The following PIK3C3 variants were observed in gnomAD, a reference collection of about 807,000 sequenced individuals.
The protein encoded by PIK3C3 is PI3-kinase type 3.
PIK3C3 carries 95 observed loss-of-function variants against 126.1 expected under a neutral mutation model. The ratio of observed to expected loss-of-function variants is 0.75; its 90% CI spans 0.64 to 0.89. PIK3C3 has a LOEUF of 0.89. PIK3C3 is among the 40% of genes least tolerant of loss of function. The pLI is 0.00. For synonymous variants in PIK3C3, 374 were observed against 360.0 expected, an observed-to-expected ratio of 1.04 and a Z score of -0.44; for missense variants, 829 against 1,063.2, an observed-to-expected ratio of 0.78 and a Z score of 3.06.
chr18:42,007,053 A>G (rs1982584087), intron 10 of PIK3C3, among the ~76,000 whole-genome samples: 2 of 151,902 alleles, frequency 1.3e-5, no homozygotes, highest in Non-Finnish European at 2.9e-5. Flanking sequence ...CTTTTTTAGT[A>G]GAGACGGGGT....
rs551868773 is a variant in PIK3C3 at position 42,005,217 on chromosome 18, G to A, written c.1170+676G>A. 2.0e-3 allele frequency among the ~76,000 whole-genome samples: 308 copies of A among 152,242 alleles called. 1 individual carries two copies. Among genetic ancestry groups the A allele is most frequent in the Non-Finnish European group, 3.4e-3 (230 of 67,990 alleles). On this transcript the variant is annotated intron_variant, in intron 10 of 24. Coordinates refer to ENST00000262039, the MANE Select transcript of PIK3C3 (RefSeq NM_002647.4). ...TACTTACCCAAACCTAGATGGTAAA[G>A]CCTACTACACACTGAGGCTGTGTAC... is the stretch of plus-strand genomic sequence containing the variant.
At chr18:42,011,574 A>T (rs999818304) in intron 10 of PIK3C3, among the ~76,000 whole-genome samples, 1 of 152,138 alleles carries the variant, frequency 6.6e-6, no homozygotes, top group Non-Finnish European at 1.5e-5. Context: ...TACCCAGACC[A>T]CCAAAACTTC....
intron 16 of PIK3C3, among the ~76,000 whole-genome samples, chr18:42,035,945 T>C (rs1984031107): frequency 6.6e-6 from 1 of 152,176 alleles, no homozygotes; most frequent in African/African-American, 2.4e-5. Context: ...GTGCATGTTA[T>C]CCTGTGGTTG....
At chr18:42,052,699 A>T (rs536747456) in intron 21 of PIK3C3, 1 of 152,284 alleles carries the variant, frequency 6.6e-6, no homozygotes, top group East Asian at 1.9e-4. Context: ...CATATATGTT[A>T]TAAATAGACT....
chr18:42,043,896 A>G (rs1984440971), intron 20 of PIK3C3, 79 bp downstream of exon 20: 1 of 868,122 alleles, frequency 1.2e-6, no homozygotes, highest in Non-Finnish European at 1.9e-6. Flanking sequence ...AATCATATAC[A>G]TTTAGAACAT....
intron 15 of PIK3C3, among the ~76,000 whole-genome samples, chr18:42,030,119 A>C (rs1455295377): frequency 6.6e-6 from 1 of 152,206 alleles, no homozygotes; most frequent in African/African-American, 2.4e-5. Flanking sequence ...TTAGCAAATT[A>C]GAATATACAA....
At chr18:41,986,454 T>G (rs1981482282) in intron 4 of PIK3C3, among the ~76,000 whole-genome samples, 1 of 152,134 alleles carries the variant, frequency 6.6e-6, no homozygotes, top group African/African-American at 2.4e-5. Context: ...ACCTGTTATA[T>G]TTTGCATCTA....
Position 42,038,449 on chromosome 18 carries a change from C to T in PIK3C3, c.1969-332C>T, listed in dbSNP as rs371077701. Among the ~76,000 whole-genome samples, 493 of 152,084 alleles carry T rather than the reference C, an allele frequency of 3.2e-3. 1 individual carries two copies. Among genetic ancestry groups the T allele is most frequent in the African/African-American group, 0.011 (466 of 41,474 alleles). On this transcript the variant is annotated intron_variant, in intron 17 of 24. Coordinates refer to ENST00000262039, the MANE Select transcript of PIK3C3 (RefSeq NM_002647.4). ...CTCTGCCCCCTGGGTTCAAGCAATTCTCCTGCCTCAGCCTCCCGAGTAGTT... is the reference window on the plus strand; with the variant it reads ...CTCTGCCCCCTGGGTTCAAGCAATTTTCCTGCCTCAGCCTCCCGAGTAGTT...
chr18:41,996,712 T>C lies in PIK3C3; in HGVS notation c.966T>C (p.Tyr322=). The change falls in exon 9 of 25, where the codon TAT becomes TAC. Residue 322 remains tyrosine (Y), a synonymous_variant. Coordinates refer to ENST00000262039, the MANE Select transcript of PIK3C3 (RefSeq NM_002647.4). ...ATCTTGTTTGGAAGTTTAGATATTA[T>C]CTTACGAATCAAGAAAAAGTGAGTG... ...EQDLVWKFRY[Y]LTNQEKALTK... The C allele has an allele frequency of 6.4e-7, 1 of 1,554,630 alleles. No individual in the cohort carries two copies. Among genetic ancestry groups the C allele is most frequent in the South Asian group, 1.2e-5 (1 of 84,856 alleles).
intron 24 of PIK3C3, among the ~76,000 whole-genome samples, chr18:42,067,819 A>C (rs1441070928): frequency 2.0e-5 from 3 of 152,188 alleles, no homozygotes; most frequent in Admixed American, 6.5e-5. Flanking sequence ...TTAGCAATTG[A>C]AACTTGGACA....
In PIK3C3 at chr18:41,996,894, A is replaced by G. The variant is rs1424145001; in HGVS notation, c.984+164A>G. On this transcript the variant is annotated intron_variant, in intron 9 of 24. Transcript: ENST00000262039. The stretch of plus-strand genomic sequence containing the variant: ...TTTTAAAAAAATTATGAAATTCTGC[A>G]TACAAAGACACCTGTACCTGTTTGT... 2.0e-5 allele frequency among the ~76,000 whole-genome samples: 3 copies of G among 152,274 alleles called. No homozygotes were observed. The East Asian group carries it at 5.8e-4, about 29-fold the overall frequency.
At chr18:42,023,868 G>A (rs183798199) in intron 13 of PIK3C3, among the ~76,000 whole-genome samples, 4 of 151,880 alleles carry the variant, frequency 2.6e-5, no homozygotes, top group African/African-American at 9.6e-5. Context: ...TTTTTCATTT[G>A]TTCCCTTTCT....
intron 24 of PIK3C3, among the ~76,000 whole-genome samples, chr18:42,080,458 T>TTTATTA (rs71265063): frequency 0.25 from 37,518 of 151,790 alleles, 4,831 homozygotes; most frequent in South Asian, 0.4. Flanking sequence ...GAAACAGAAT[T>TTTATTA]CATGTAAGCA....
intron 13 of PIK3C3, among the ~76,000 whole-genome samples, chr18:42,024,291 A>G (rs1299220967): frequency 6.6e-6 from 1 of 152,160 alleles, no homozygotes; most frequent in African/African-American, 2.4e-5. Context: ...AATCTAGTTT[A>G]TTGATGTGAA....
intron 22 of PIK3C3, among the ~76,000 whole-genome samples, chr18:42,061,461 A>T (rs1009563283): frequency 6.6e-6 from 1 of 152,102 alleles, no homozygotes; most frequent in Non-Finnish European, 1.5e-5. Flanking sequence ...CACTGCCTGT[A>T]GTCCCAGTTA....
At chr18:41,960,638 G>C (rs1053226735) in intron 2 of PIK3C3, among the ~76,000 whole-genome samples, 1 of 152,152 alleles carries the variant, frequency 6.6e-6, no homozygotes, top group Non-Finnish European at 1.5e-5. Flanking sequence ...GGAGAACGAA[G>C]TGGTGTCCAA....
intron 10 of PIK3C3, among the ~76,000 whole-genome samples, chr18:42,008,918 T>A (rs1982673307): frequency 6.6e-6 from 1 of 152,132 alleles, no homozygotes; most frequent in Non-Finnish European, 1.5e-5. Context: ...TTCCCCTTCC[T>A]GGGGAATTTA....
At chr18:42,004,319 A>G (rs1420967768) in intron 9 of PIK3C3, 37 bp from the exon 10 acceptor site, 8 of 1,513,152 alleles carry the variant, frequency 5.3e-6, no homozygotes, top group Non-Finnish European at 7.3e-6. Flanking sequence ...CCCAGGAAAT[A>G]GGCTGTTTCT....
In PIK3C3 at chr18:42,043,748, T is replaced by C. The variant is rs1465977176; in HGVS notation, c.2119T>C (p.Tyr707His). The change falls in exon 20 of 25, where the codon TAT becomes CAT. Residue 707 changes from tyrosine to histidine, a missense_variant. Transcript: ENST00000262039. ...GTCTTTTCAGAACTTTTTTAGAAAA[T>C]ATGCACCAAGTGAGAATGGGCCAAA... ...EGSIQNFFRK[Y>H]APSENGPNGI... is the part of the protein sequence containing the mutation. 1 of 1,610,916 alleles carries C rather than the reference T, an allele frequency of 6.2e-7. No homozygotes were observed. Among genetic ancestry groups the C allele is most frequent in the Admixed American group, 1.7e-5 (1 of 59,950 alleles).
Sources: allele counts gnomAD v4.1 joint callset (sites outside exome capture counted in the v4.1 genomes callset), GRCh38; gene constraint gnomAD v4.1.1; transcripts MANE v1.5; gene names NCBI Gene and HGNC (gene_info 2026-07-23, HGNC 2026-07-21).